The following COL28A1 variants were observed in gnomAD, a reference collection of about 807,000 sequenced individuals.
The protein encoded by COL28A1 is collagen alpha-1(XXVIII) chain.
In COL28A1, 161 loss-of-function variants were observed where a neutral mutation model predicts 150.2. The observed-to-expected ratio is 1.07, with a 90% CI of 0.94 to 1.22. COL28A1 has a LOEUF of 1.22. Ranked by LOEUF, COL28A1 falls within the 50% of genes most tolerant of loss-of-function variation. The pLI is 0.00. For synonymous variants in COL28A1, 552 were observed against 469.7 expected, an observed-to-expected ratio of 1.18 and a Z score of -2.26; for missense variants, 1,617 against 1,388.3, an observed-to-expected ratio of 1.16 and a Z score of -2.62.
intron 15 of COL28A1, among the ~76,000 whole-genome samples, chr7:7,459,862 G>C (rs952286115): frequency 2.6e-5 from 4 of 152,210 alleles, no homozygotes; most frequent in African/African-American, 4.8e-5. Context: ...CAAGATGAAA[G>C]CCAGACTACT....
chr7:7,441,245 G>A (rs953956585), intron 20 of COL28A1, among the ~76,000 whole-genome samples: 3 of 152,052 alleles, frequency 2.0e-5, no homozygotes, highest in Non-Finnish European at 4.4e-5. Context: ...TCTATTTCAG[G>A]TTTAAAAGAT....
chr7:7,338,320 C>G, the COL28A1 span, among the ~76,000 whole-genome samples: 7 of 151,476 alleles, frequency 4.6e-5, no homozygotes, highest in African/African-American at 1.7e-4. Context: ...TTCTTTTAAT[C>G]CATTAGCATG....
chr7:7,479,512 C>T (rs1789220407), intron 13 of COL28A1, among the ~76,000 whole-genome samples: 1 of 152,174 alleles, frequency 6.6e-6, no homozygotes, highest in Non-Finnish European at 1.5e-5. Flanking sequence ...CATCACACAG[C>T]TGTTTTAAAG....
At chr7:7,402,689 T>C (rs1217030099) in intron 27 of COL28A1, among the ~76,000 whole-genome samples, 2 of 152,208 alleles carry the variant, frequency 1.3e-5, no homozygotes, top group African/African-American at 4.8e-5. Flanking sequence ...CATAGGTCCT[T>C]ATTTTCTCCC....
chr7:7,445,638 T>C (rs148222874), intron 18 of COL28A1, among the ~76,000 whole-genome samples: 261 of 152,260 alleles, frequency 1.7e-3, no homozygotes, highest in Admixed American at 2.7e-3. Context: ...TCCTTTAAAA[T>C]GTTCAGGAAA....
intron 25 of COL28A1, chr7:7,431,250 C>T: frequency 5.5e-6 from 1 of 180,908 alleles, no homozygotes; most frequent in Non-Finnish European, 1.2e-5. Context: ...ATTCATTTTC[C>T]ATTCATTCAA....
At chr7:7,440,214 T>C (rs746267202) in intron 21 of COL28A1, among the ~76,000 whole-genome samples, 2 of 152,218 alleles carry the variant, frequency 1.3e-5, no homozygotes, top group African/African-American at 2.4e-5. Context: ...TTTCACCATA[T>C]TGATTTTTTT....
intron 27 of COL28A1, among the ~76,000 whole-genome samples, chr7:7,381,899 C>T (rs1489997482): frequency 6.6e-6 from 1 of 152,148 alleles, no homozygotes; most frequent in African/African-American, 2.4e-5. Flanking sequence ...GTGGCTAATT[C>T]AAGCTATGAA....
intron 11 of COL28A1, among the ~76,000 whole-genome samples, chr7:7,497,132 A>AGG (rs1780263059): frequency 6.6e-6 from 1 of 151,318 alleles, no homozygotes; most frequent in Non-Finnish European, 1.5e-5. Context: ...GAAGGAAGGA[A>AGG]AGAAGGATCA....
intron 16 of COL28A1, among the ~76,000 whole-genome samples, chr7:7,454,590 C>T (rs999119953): frequency 2.6e-5 from 4 of 152,046 alleles, no homozygotes; most frequent in African/African-American, 9.7e-5. Flanking sequence ...ACAACAACCT[C>T]CACCAAGGAA....
intron 3 of COL28A1, among the ~76,000 whole-genome samples, 162 bp from the exon 4 acceptor site, chr7:7,524,411 C>T (rs1372512455): frequency 6.6e-6 from 1 of 152,132 alleles, no homozygotes; most frequent in Non-Finnish European, 1.5e-5. Flanking sequence ...GCCAACCACC[C>T]AAGGAGCAGT....
intron 27 of COL28A1, among the ~76,000 whole-genome samples, chr7:7,388,854 T>C (rs1210161333): frequency 6.6e-6 from 1 of 152,194 alleles, no homozygotes; most frequent in East Asian, 1.9e-4. Context: ...TGGGGTTGTT[T>C]TTTTCTTGTA....
chr7:7,361,960 C>T (rs560898118), intron 33 of COL28A1, among the ~76,000 whole-genome samples: 5 of 152,206 alleles, frequency 3.3e-5, no homozygotes, highest in South Asian at 2.1e-4. Context: ...TGTTCTCATT[C>T]GTAAGTGGGA....
chr7:7,393,347 G>A (rs935425227), intron 27 of COL28A1, among the ~76,000 whole-genome samples: 2 of 152,184 alleles, frequency 1.3e-5, no homozygotes, highest in East Asian at 1.9e-4. Context: ...CGTCCCAGAC[G>A]GGTACCCACC....
intron 27 of COL28A1, among the ~76,000 whole-genome samples, chr7:7,411,045 C>T (rs930949805): frequency 7.9e-5 from 12 of 152,294 alleles, no homozygotes; most frequent in African/African-American, 2.4e-4. Flanking sequence ...GCAATCAGGT[C>T]ACAGGTAGGA....
chr7:7,385,947 T>C (rs1457798872), intron 27 of COL28A1, among the ~76,000 whole-genome samples: 2 of 152,242 alleles, frequency 1.3e-5, no homozygotes, highest in Admixed American at 6.5e-5. Flanking sequence ...CAGAGGTGAA[T>C]GCTATCCAAT....
intron 34 of COL28A1, 140 bp downstream of exon 34, chr7:7,360,249 CA>C: frequency 1.3e-6 from 1 of 756,036 alleles, no homozygotes; most frequent in Non-Finnish European, 2.0e-6. Context: ...AGAATCATAA[CA>C]TTTTCTCTCT....
chr7:7,477,665 G>A (rs756358110), intron 13 of COL28A1, among the ~76,000 whole-genome samples: 25 of 152,228 alleles, frequency 1.6e-4, no homozygotes, highest in Non-Finnish European at 3.1e-4. Context: ...TGAAGCTGCA[G>A]ACCTTCGCAG....
chr7:7,489,216 G>T (rs1436655697), intron 13 of COL28A1, among the ~76,000 whole-genome samples, 173 bp downstream of exon 13: 3 of 152,186 alleles, frequency 2.0e-5, no homozygotes, highest in Admixed American at 2.0e-4. Context: ...GTTGCAGTGA[G>T]CCGAGATCAT....
Sources: gnomAD v4.1 joint callset for allele counts (sites outside exome capture counted in the v4.1 genomes callset) on GRCh38, gnomAD v4.1.1 for gene constraint, MANE v1.5 for transcripts, NCBI Gene and HGNC (gene_info 2026-07-23, HGNC 2026-07-21) for gene names.